STPG2: variants seen among roughly 807,000 people sequenced by gnomAD.
STPG2 encodes the protein sperm-tail PG-rich repeat-containing protein 2.
STPG2 carries 56 observed loss-of-function variants against 54.2 expected under a neutral mutation model. That is an observed-to-expected ratio of 1.03 (90% CI 0.83 to 1.29). The LOEUF is 1.29. STPG2 is among the 50% of genes most tolerant of loss of function. STPG2 has a pLI of 0.00. For synonymous variants in STPG2, 200 were observed against 181.8 expected (o/e 1.10, Z -0.81); for missense variants, 596 against 544.9 (o/e 1.09, Z -0.93).
At chr4:98,083,672 C>T (rs978936729) in intron 5 of STPG2, among the ~76,000 whole-genome samples, 2 of 152,154 alleles carry the variant, frequency 1.3e-5, no homozygotes, top group African/African-American at 4.8e-5. Flanking sequence ...TGCCTTCTCA[C>T]CACTTATATT....
intron 10 of STPG2, among the ~76,000 whole-genome samples, chr4:97,690,428 G>A (rs1020746487): frequency 1.3e-5 from 2 of 151,868 alleles, no homozygotes. Flanking sequence ...ATCTATACGG[G>A]CAAATCAATA....
Position 98,143,311 on chromosome 4 carries a change from C to T in STPG2, c.-161G>A. 1.7e-6 allele frequency: 1 copy of T among 593,402 alleles called. No individual in the cohort carries two copies. 36.8% of individuals were successfully genotyped at this position (593,402 alleles called of 1,614,324 possible). A position where few individuals can be genotyped will look rare whatever the true frequency, so the allele number is the denominator to read the frequency against. ...ATTAGGGGTGGGGTTGTCTCCCCGC[C>T]CGCTCATTGATACCAGATTTCCTCA... On this transcript the variant is annotated 5_prime_UTR_variant, in exon 1 of 11. Transcript: ENST00000295268.
chr4:97,578,671 G>T (rs1297324391), intron 10 of STPG2, among the ~76,000 whole-genome samples: 1 of 151,606 alleles, frequency 6.6e-6, no homozygotes, highest in Non-Finnish European at 1.5e-5. Context: ...GGTTTGTTGA[G>T]TTTTTTCCCC....
intron 10 of STPG2, among the ~76,000 whole-genome samples, chr4:97,686,841 T>G (rs540007929): frequency 2.4e-4 from 36 of 152,056 alleles, no homozygotes; most frequent in Non-Finnish European, 4.0e-4. Context: ...TCTAAAATTA[T>G]TATTTTTTAT....
intron 8 of STPG2, among the ~76,000 whole-genome samples, chr4:97,936,295 G>A (rs1184722210): frequency 6.6e-6 from 1 of 152,092 alleles, no homozygotes; most frequent in African/African-American, 2.4e-5. Context: ...TGTGTCTCTT[G>A]AATACAGCAC....
At chr4:97,540,432 T>C (rs1372943214) in intron 4 of STPG2, among the ~76,000 whole-genome samples, 12 of 152,006 alleles carry the variant, frequency 7.9e-5, no homozygotes, top group Admixed American at 7.2e-4. Context: ...CAGGAAGAAG[T>C]TGAATCTCTG....
At chr4:97,983,801 T>A (rs1031438781) in intron 5 of STPG2, among the ~76,000 whole-genome samples, 4 of 152,118 alleles carry the variant, frequency 2.6e-5, no homozygotes, top group African/African-American at 9.7e-5. Flanking sequence ...ATACACACAT[T>A]CACAGAGAAT....
In STPG2 at chr4:97,942,120, T is replaced by A. The variant is rs1189189646; in HGVS notation, c.1044+1777A>T. ...TTAACATATATATGTATAGATACGT[T>A]TTAAATATATATATGTGTGTATATA... On this transcript the variant is annotated intron_variant, in intron 8 of 10. Coordinates refer to ENST00000295268, the MANE Select transcript of STPG2 (RefSeq NM_174952.3). 2.0e-5 allele frequency among the ~76,000 whole-genome samples: 3 copies of A among 149,962 alleles called. No individual in the cohort carries two copies. In the South Asian group the frequency reaches 6.3e-4, roughly 31 times the overall value.
intron 9 of STPG2, among the ~76,000 whole-genome samples, chr4:97,799,228 G>GAACC (rs1560533166): frequency 6.3e-4 from 95 of 151,850 alleles, no homozygotes; most frequent in African/African-American, 2.2e-3. Flanking sequence ...CTGTCATTCT[G>GAACC]ATGTTAGCTG....
intron 10 of STPG2, among the ~76,000 whole-genome samples, chr4:97,561,106 G>A (rs1732223585): frequency 6.6e-6 from 1 of 151,936 alleles, no homozygotes; most frequent in Admixed American, 6.6e-5. Context: ...ATCCTCTCCA[G>A]CACCTGTTGT....
At chr4:97,790,986 C>T (rs908813033) in intron 9 of STPG2, among the ~76,000 whole-genome samples, 3 of 152,132 alleles carry the variant, frequency 2.0e-5, no homozygotes, top group Non-Finnish European at 4.4e-5. Context: ...CCATCAGTTA[C>T]GCAAATTCTA....
At chr4:97,546,942 A>G (rs915534229) in intron 4 of STPG2, among the ~76,000 whole-genome samples, 1 of 152,198 alleles carries the variant, frequency 6.6e-6, no homozygotes, top group Non-Finnish European at 1.5e-5. Context: ...TAAATATAGA[A>G]GAGACATATA....
chr4:97,785,049 A>G (rs1302363439), intron 9 of STPG2, among the ~76,000 whole-genome samples: 2 of 152,088 alleles, frequency 1.3e-5, no homozygotes, highest in African/African-American at 2.4e-5. Context: ...TAGAGGTGCT[A>G]CAATTTTCTT....
At position 98,078,781 on chromosome 4, in the gene STPG2, A is replaced by T. The variant is rs1738250847; in HGVS notation, c.612+27172T>A. ...TGCTAAAATTGCATATTTTAAGACT[A>T]AGAGAATGATTTCCCTTTCATATTA... On this transcript the variant is annotated intron_variant, in intron 5 of 10. Transcript: ENST00000295268. Among the ~76,000 whole-genome samples the T allele has an allele frequency of 2.0e-5, 3 of 152,184 alleles. No individual in the cohort carries two copies. The South Asian group carries it at 6.2e-4, about 32-fold the overall frequency.
chr4:97,447,012 A>G (rs1729239059), intron 4 of STPG2, among the ~76,000 whole-genome samples: 1 of 152,198 alleles, frequency 6.6e-6, no homozygotes, highest in South Asian at 2.1e-4. Context: ...AAGATGAGGA[A>G]AAGTTTGGAA....
chr4:97,561,071 T>C (rs1283336610), intron 10 of STPG2, among the ~76,000 whole-genome samples: 2 of 152,070 alleles, frequency 1.3e-5, no homozygotes, highest in Non-Finnish European at 2.9e-5. Context: ...CCACCAACAG[T>C]GTAAAAGTGT....
intron 10 of STPG2, among the ~76,000 whole-genome samples, chr4:97,620,068 C>T (rs145765973): frequency 0.011 from 1,667 of 152,186 alleles, 23 homozygotes; most frequent in Middle Eastern, 0.02. Context: ...TTGTGATCTG[C>T]CTGCCTCGGC....
intron 5 of STPG2, among the ~76,000 whole-genome samples, chr4:97,991,459 GTATA>G (rs60388529): frequency 0.011 from 1,546 of 146,538 alleles, 15 homozygotes; most frequent in Non-Finnish European, 0.014. Flanking sequence ...GTGTGTGTGT[GTATA>G]TATATATATG....
chr4:97,499,586 C>A (rs988992039), intron 4 of STPG2, among the ~76,000 whole-genome samples: 3 of 151,776 alleles, frequency 2.0e-5, no homozygotes, highest in Admixed American at 2.0e-4. Flanking sequence ...TATAGGATAT[C>A]ATATTCTTAT....
Sources: allele counts gnomAD v4.1 joint callset (sites outside exome capture counted in the v4.1 genomes callset), GRCh38; gene constraint gnomAD v4.1.1; transcripts MANE v1.5; gene names NCBI Gene and HGNC (gene_info 2026-07-23, HGNC 2026-07-21).